The following TNRC18 variants were observed in gnomAD, a reference collection of about 807,000 sequenced individuals.
TNRC18 encodes trinucleotide repeat-containing gene 18 protein.
Under a neutral mutation model 226.7 loss-of-function variants are expected in TNRC18, and 69 were observed. The ratio of observed to expected loss-of-function variants is 0.30; its 90% CI spans 0.25 to 0.37. The LOEUF is 0.37. Among genes scored for constraint, TNRC18 ranks in the 10% least tolerant of loss-of-function variants. TNRC18 has a pLI of 1.00. For missense variants in TNRC18, 4,754 were observed against 4,256.6 expected (o/e 1.12, Z -3.25); for synonymous variants, 2,449 against 1,927.6 (o/e 1.27, Z -7.09).
chr7:5,402,178 C>CAAAAAAAAA (rs35794476), intron 2 of TNRC18, among the ~76,000 whole-genome samples: 9 of 71,336 alleles, frequency 1.3e-4, no homozygotes, highest in African/African-American at 3.8e-4. Context: ...GACTCTGTCT[C>CAAAAAAAAA]AAAAAAAAAA....
intron 5 of TNRC18, among the ~76,000 whole-genome samples, chr7:5,378,424 AT>A (rs904107054): frequency 1.4e-3 from 200 of 145,074 alleles, no homozygotes; most frequent in African/African-American, 2.4e-3. Flanking sequence ...TTATTTATTT[AT>A]TTTTTTTTTT....
chr7:5,320,239 A>G (rs1280411932), intron 24 of TNRC18, 79 bp downstream of exon 24: 2 of 1,097,810 alleles, frequency 1.8e-6, no homozygotes, highest in Admixed American at 4.0e-5. Context: ...TAAGCCAGTT[A>G]GAGTTGGGTT....
At chr7:5,334,136 C>T (rs1280128727) in intron 18 of TNRC18, among the ~76,000 whole-genome samples, 2 of 152,132 alleles carry the variant, frequency 1.3e-5, no homozygotes, top group Non-Finnish European at 2.9e-5. Context: ...GCACAGGAGC[C>T]GAAAAGCCAA....
rs780167493 is a variant in TNRC18 at position 5,312,461 on chromosome 7, G to A, written c.8388+42C>T. On this transcript the variant is annotated intron_variant, in intron 27 of 29. Transcript: ENST00000430969. This position sits in a 1 kb window ranked among gnomAD's most constrained non-coding sequence, Gnocchi z 6.3. The stretch of plus-strand genomic sequence containing the variant: ...CGTGGGCCCAGCAGAGAGACACAAG[G>A]CCCCCGGCCCCTCGGCCGTGCCCGG... The A allele has an allele frequency of 8.2e-6, 13 of 1,593,896 alleles. No homozygotes were observed. In the East Asian group the frequency reaches 2.2e-4, roughly 28 times the overall value.
intron 18 of TNRC18, 40 bp downstream of exon 18, chr7:5,345,518 CCCCT>C: frequency 5.4e-5 from 9 of 167,658 alleles, no homozygotes; most frequent in South Asian, 2.7e-4. Context: ...ATGGCGTCCG[CCCCT>C]CCCACCCACC....
intron 2 of TNRC18, among the ~76,000 whole-genome samples, chr7:5,402,028 A>G (rs1265908944): frequency 1.3e-5 from 2 of 151,706 alleles, no homozygotes; most frequent in African/African-American, 2.4e-5. Flanking sequence ...AAAAAGAAAA[A>G]ATTAGCTGGG....
chr7:5,357,192 C>T lies in TNRC18; in HGVS notation c.4918G>A (p.Asp1640Asn), dbSNP rs777950024. 3.7e-6 allele frequency: 6 copies of T among 1,610,934 alleles called. No homozygotes were observed. The highest frequency in any genetic ancestry group is 5.1e-6 in the Non-Finnish European group (6 of 1,178,740). ...AACTTGAAGGGCGACTTCAACTTGT[C>T]CTGCTTGGTGAGGGAGAGGGCCTTG... ...LDKALSLTKQ[D>N]KLKSPFKFSD... The change falls in exon 16 of 30, where the codon GAC (aspartate) becomes AAC (asparagine). Residue 1640 changes from aspartate (D) to asparagine (N), a missense_variant. Transcript: ENST00000430969.
rs770712841 is a variant in TNRC18 at position 5,362,712 on chromosome 7, G to A, written c.4333C>T (p.Arg1445Trp). The change falls in exon 12 of 30, where the codon CGG (arginine) becomes TGG (tryptophan). Residue 1445 changes from arginine to tryptophan, a missense_variant. Physicochemically the swap from Arg to Trp is moderately radical, Grantham distance 101 (BLOSUM62 -3). Transcript: ENST00000430969. ...TTGGGCTTCAGCTCCCGCGGGAGCC[G>A]CAGGTTCTTGAGTGGGTCCACCACG... ...GPVVDPLKNL[R>W]LPRELKPNKK... 33 of 1,580,042 alleles carry A rather than the reference G, an allele frequency of 2.1e-5. No homozygotes were observed. Among genetic ancestry groups the A allele is most frequent in the East Asian group, 1.2e-4 (5 of 43,056 alleles).
intron 2 of TNRC18, among the ~76,000 whole-genome samples, chr7:5,402,242 AT>A (rs1781156669): frequency 6.7e-6 from 1 of 149,720 alleles, no homozygotes; most frequent in Non-Finnish European, 1.5e-5. Context: ...TCCCAAAAAA[AT>A]TTTTTTTAGG....
At position 5,332,689 on chromosome 7, in the gene TNRC18, G is replaced by A. The variant is rs532430340; in HGVS notation, c.6080C>T (p.Ala2027Val). The A allele has an allele frequency of 1.5e-4, 227 of 1,530,622 alleles. No individual in the cohort carries two copies. The highest frequency in any genetic ancestry group is 1.7e-4 in the Non-Finnish European group (196 of 1,141,852). 94.8% of individuals were successfully genotyped at this position (1,530,622 alleles called of 1,614,324 possible). A position where few individuals can be genotyped will look rare whatever the true frequency, so the allele number is the denominator to read the frequency against. ...GCGCGGGCTCAGGGGGCCGCCCTTG[G>A]CGCAGCGGCTGGTCTTGGTGGCGGG... is the stretch of plus-strand genomic sequence containing the variant. The part of the protein sequence containing the change: ...TAPATKTSRC[A>V]KGGPLSPRKD... Residue 2027 changes from alanine (A) to valine (V), a missense_variant, in exon 19 of 30, where the codon GCC becomes GTC. By Grantham distance (64) the Ala-to-Val change is moderately conservative. Transcript: ENST00000430969.
chr7:5,330,723 G>C (rs1583797886), intron 19 of TNRC18, among the ~76,000 whole-genome samples: 1 of 152,084 alleles, frequency 6.6e-6, no homozygotes, highest in African/African-American at 2.4e-5. Flanking sequence ...GCCCAGGCTG[G>C]AGTGCAGTGG....
In TNRC18 at chr7:5,361,599, G is replaced by A. The variant is rs751019980; in HGVS notation, c.4656C>T (p.Ser1552=). 2.0e-5 allele frequency: 30 copies of A among 1,527,394 alleles called. No homozygotes were observed. Among genetic ancestry groups the A allele is most frequent in the South Asian group, 3.7e-5 (3 of 80,928 alleles). 94.6% of individuals were successfully genotyped at this position (1,527,394 alleles called of 1,614,324 possible). Residue 1552 remains serine, a synonymous_variant, in exon 14 of 30, where the codon AGC becomes AGT. Coordinates refer to ENST00000430969, the MANE Select transcript of TNRC18 (RefSeq NM_001080495.3). The part of the protein sequence containing the change: ...PRKRGKSGHS[S]GKLSSKSLLT... ...CACCGAGGGGCCAGCCTTACTTTCC[G>A]CTACTGTGGCCGCTCTTCCCTCTCT... is the stretch of plus-strand genomic sequence containing the variant.
chr7:5,405,885 G>T (rs1781433123), intron 2 of TNRC18, among the ~76,000 whole-genome samples: 1 of 152,222 alleles, frequency 6.6e-6, no homozygotes, highest in Non-Finnish European at 1.5e-5. Flanking sequence ...GCAACATCAA[G>T]AGACCCGTTT....
intron 11 of TNRC18, among the ~76,000 whole-genome samples, chr7:5,364,868 G>A (rs1167256223): frequency 6.7e-6 from 1 of 148,378 alleles, no homozygotes; most frequent in East Asian, 2.0e-4. Flanking sequence ...CTTTTTTTCT[G>A]CTTAATGTCT....
chr7:5,355,716 A>T (rs75720732), intron 16 of TNRC18, among the ~76,000 whole-genome samples: 5,040 of 152,162 alleles, frequency 0.033, 123 homozygotes, highest in Middle Eastern at 0.061. Flanking sequence ...CTGTCTCTAC[A>T]AAAAATTTTA....
intron 24 of TNRC18, among the ~76,000 whole-genome samples, chr7:5,319,419 G>A (rs1008719379): frequency 1.3e-5 from 2 of 152,150 alleles, no homozygotes; most frequent in African/African-American, 4.8e-5. Context: ...CAAAAGCTAA[G>A]GGTTGGACCA....
At position 5,306,890 on chromosome 7, in the gene TNRC18, C is replaced by CAAT. The variant is rs1386571663; in HGVS notation, c.*1213_*1215dup. On this transcript the variant is annotated 3_prime_UTR_variant, in exon 30 of 30. Coordinates refer to ENST00000430969, the MANE Select transcript of TNRC18 (RefSeq NM_001080495.3). ...CCAAAAGAAACATAAAAAAAAAAAC[C>CAAT]AATAATTCCCCCAAAAAACAAACCC... The CAAT allele has an allele frequency of 1.5e-4, 22 of 147,402 alleles. No individual in the cohort carries two copies. Among genetic ancestry groups the CAAT allele is most frequent in the African/African-American group, 5.0e-4 (19 of 37,890 alleles). The allele number at this position is 147,402 out of a possible 1,614,324, so 9.1% of individuals were successfully genotyped here.
intron 18 of TNRC18, among the ~76,000 whole-genome samples, chr7:5,343,875 G>A (rs1036779948): frequency 5.9e-5 from 9 of 152,308 alleles, no homozygotes; most frequent in South Asian, 4.1e-4. Flanking sequence ...TGTGATATTC[G>A]CTTTATGGTT....
Position 5,308,014 on chromosome 7 carries a change from A to G in TNRC18, c.*92T>C. 1.6e-6 allele frequency: 2 copies of G among 1,242,738 alleles called. No individual in the cohort carries two copies. Among genetic ancestry groups the G allele is most frequent in the Non-Finnish European group, 2.2e-6 (2 of 894,288 alleles). The allele number at this position is 1,242,738 out of a possible 1,614,324, so 77.0% of individuals were successfully genotyped here. A position where few individuals can be genotyped will look rare whatever the true frequency, so the allele number is the denominator to read the frequency against. On this transcript the variant is annotated 3_prime_UTR_variant, in exon 30 of 30. Transcript: ENST00000430969. Reference sequence around the variant, plus strand: ...CACGCCTGCAGGAGCGCTCGCATGCACACAACGCACGTGGTCTCCGCGCCA... The same window carrying G: ...CACGCCTGCAGGAGCGCTCGCATGCGCACAACGCACGTGGTCTCCGCGCCA...
Sources: gnomAD v4.1 joint callset for allele counts (sites outside exome capture counted in the v4.1 genomes callset) on GRCh38, gnomAD v4.1.1 for gene constraint, Gnocchi (gnomAD v3.1) non-coding constraint, MANE v1.5 for transcripts, NCBI Gene and HGNC (gene_info 2026-07-23, HGNC 2026-07-21) for gene names.